Variants in EGFL6 observed in about 807,000 individuals in gnomAD.
EGFL6 encodes the protein EGF like domain multiple 6, also known as epidermal growth factor-like protein 6.
In EGFL6, 42 loss-of-function variants were observed where a neutral mutation model predicts 43.1. The observed-to-expected ratio is 0.98, with a 90% CI of 0.76 to 1.26. EGFL6 has a LOEUF of 1.26. EGFL6 is among the 50% of genes most tolerant of loss of function. The probability of loss-of-function intolerance (pLI) is 0.00; values close to 1 mark genes in which losing one functional copy is unlikely to be tolerated. For missense variants in EGFL6, 429 were observed against 427.8 expected (o/e 1.00, Z -0.02); for synonymous variants, 164 against 163.2 (o/e 1.01, Z -0.04).
At chrX:13,593,170 C>T in intron 2 of EGFL6, among the ~76,000 whole-genome samples, 1 of 110,959 alleles carries the variant, frequency 9.0e-6, no homozygotes, top group African/African-American at 3.3e-5. Flanking sequence ...CCTCCTCGGC[C>T]TCCCAAAGTG....
At chrX:13,610,641 A>G (rs1469306094) in intron 7 of EGFL6, among the ~76,000 whole-genome samples, 1 of 111,858 alleles carries the variant, frequency 8.9e-6, no homozygotes, top group Non-Finnish European at 1.9e-5. Context: ...TCAGCTTTCC[A>G]TATCGGATGA....
rs1223348588 is a variant in EGFL6, at chrX:13,623,926, G to A, written c.1285+1G>A. The A allele has an allele frequency of 1.7e-6, 2 of 1,179,284 alleles. No individual in the cohort carries two copies. The highest frequency in any genetic ancestry group is 3.6e-5 in the South Asian group (2 of 55,976). On this transcript the variant is annotated splice_donor_variant, in intron 10 of 11. Coordinates refer to ENST00000361306, the MANE Select transcript of EGFL6 (RefSeq NM_015507.4). LOFTEE classifies it high-confidence loss of function. ...TGGAATCCTGCTGATCGAGATAATG[G>A]TATTTATATTTGACAGTTTCATGTT...
intron 1 of EGFL6, 131 bp from the exon 2 acceptor site, chrX:13,589,425 A>C: frequency 8.2e-6 from 4 of 490,497 alleles, no homozygotes; most frequent in Non-Finnish European, 1.2e-5. Context: ...TTCAAAATCT[A>C]ATTTAGCACT....
chrX:13,601,955 T>C (rs2045636320), intron 4 of EGFL6, among the ~76,000 whole-genome samples: 1 of 111,904 alleles, frequency 8.9e-6, no homozygotes, highest in African/African-American at 3.2e-5. Flanking sequence ...AAAAAAGATA[T>C]CTTTCCTCAA....
At chrX:13,629,928 T>C (rs1028968189) in intron 11 of EGFL6, among the ~76,000 whole-genome samples, 3 of 112,190 alleles carry the variant, frequency 2.7e-5, no homozygotes, top group Admixed American at 9.4e-5. Context: ...CTTCTGCACC[T>C]ACGTGGCCCT....
intron 1 of EGFL6, among the ~76,000 whole-genome samples, chrX:13,577,333 TATATATATAC>T (rs1178388314): frequency 0.011 from 173 of 15,430 alleles, 2 homozygotes; most frequent in African/African-American, 0.035. Flanking sequence ...TATATATATA[TATATATATAC>T]ATACACACAC....
intron 7 of EGFL6, among the ~76,000 whole-genome samples, chrX:13,614,341 C>T (rs781088723): frequency 2.7e-5 from 3 of 111,779 alleles, no homozygotes; most frequent in Non-Finnish European, 3.8e-5. Flanking sequence ...TAGCCCCTTC[C>T]TGTTTCCTGG....
intron 1 of EGFL6, among the ~76,000 whole-genome samples, chrX:13,584,003 G>C (rs1422270760): frequency 8.9e-6 from 1 of 112,041 alleles, no homozygotes; most frequent in Admixed American, 9.5e-5. Flanking sequence ...AATAATAAAA[G>C]CAATCAATTA....
At chrX:13,592,868 G>C (rs1180730886) in intron 2 of EGFL6, among the ~76,000 whole-genome samples, 1 of 73,654 alleles carries the variant, frequency 1.4e-5, no homozygotes, top group African/African-American at 5.2e-5. Flanking sequence ...TGTCGGGGGG[G>C]TGGGGGGGCT....
intron 1 of EGFL6, among the ~76,000 whole-genome samples, chrX:13,571,956 G>C (rs1309957941): frequency 8.9e-6 from 1 of 112,297 alleles, no homozygotes; most frequent in African/African-American, 3.2e-5. Context: ...GCTGTATAGA[G>C]ATTTCCAGTA....
chrX:13,599,354 T>C (rs977777184), intron 3 of EGFL6, among the ~76,000 whole-genome samples: 2 of 111,087 alleles, frequency 1.8e-5, no homozygotes, highest in African/African-American at 6.6e-5. Flanking sequence ...CACCTTCCAG[T>C]CACTTCCACT....
chrX:13,584,557 C>T (rs996299926), intron 1 of EGFL6, among the ~76,000 whole-genome samples: 5 of 111,793 alleles, frequency 4.5e-5, no homozygotes, highest in African/African-American at 1.6e-4. Flanking sequence ...CTAGGTTGTC[C>T]GTCTAATGAG....
At chrX:13,614,391 T>G (rs753003937) in intron 7 of EGFL6, among the ~76,000 whole-genome samples, 4 of 111,977 alleles carry the variant, frequency 3.6e-5, no homozygotes, top group Admixed American at 9.5e-5. Context: ...TGATTAAGCT[T>G]CTTCTTCCAG....
chrX:13,614,785 T>C (rs1322518437), intron 7 of EGFL6, among the ~76,000 whole-genome samples: 1 of 108,840 alleles, frequency 9.2e-6, no homozygotes, highest in Non-Finnish European at 1.9e-5. Flanking sequence ...TCTCACTCTG[T>C]TGCCTAGGCT....
At chrX:13,628,820 G>A (rs868079902) in intron 11 of EGFL6, among the ~76,000 whole-genome samples, 2 of 110,419 alleles carry the variant, frequency 1.8e-5, no homozygotes, top group Admixed American at 9.5e-5. Context: ...AAAAAACCCC[G>A]AAAAAACAAA....
intron 7 of EGFL6, among the ~76,000 whole-genome samples, chrX:13,614,349 T>G (rs2045707384): frequency 8.9e-6 from 1 of 111,802 alleles, no homozygotes; most frequent in African/African-American, 3.3e-5. Flanking sequence ...TCCTGTTTCC[T>G]GGGTCCCATG....
intron 3 of EGFL6, 96 bp from the exon 4 acceptor site, chrX:13,599,879 A>T (rs1264460160): frequency 2.1e-6 from 2 of 974,726 alleles, no homozygotes; most frequent in Admixed American, 4.8e-5. Context: ...AGGGAAGCTA[A>T]CCCAGTTGTC....
intron 1 of EGFL6, among the ~76,000 whole-genome samples, chrX:13,585,948 G>A (rs1420206978): frequency 8.9e-6 from 1 of 112,057 alleles, no homozygotes; most frequent in East Asian, 2.8e-4. Flanking sequence ...TCTCACAGAT[G>A]TGTATGGTTA....
intron 1 of EGFL6, among the ~76,000 whole-genome samples, chrX:13,584,937 A>T (rs1244345134): frequency 8.9e-6 from 1 of 112,160 alleles, no homozygotes; most frequent in African/African-American, 3.2e-5. Context: ...AGCAACCAGA[A>T]TCTATCTTCT....
Sources: gnomAD v4.1 joint callset for allele counts (sites outside exome capture counted in the v4.1 genomes callset) on GRCh38, gnomAD v4.1.1 for gene constraint, MANE v1.5 for transcripts, NCBI Gene and HGNC (gene_info 2026-07-23, HGNC 2026-07-21) for gene names.